Variants in LAMP2 observed in about 807,000 individuals in gnomAD.
LAMP2 encodes lysosome-associated membrane glycoprotein 2.
Under a neutral mutation model 25.6 loss-of-function variants are expected in LAMP2, and 4 were observed. That is an observed-to-expected ratio of 0.16 (90% CI 0.08 to 0.36). The LOEUF is 0.36. Among genes scored for constraint, LAMP2 ranks in the 10% least tolerant of loss-of-function variants. The pLI is 1.00. For missense variants in LAMP2, 272 were observed against 301.4 expected (o/e 0.90, Z 0.72); for synonymous variants, 108 against 112.7 (o/e 0.96, Z 0.27).
chrX:120,461,858 T>C (rs1465531106), intron 1 of LAMP2, among the ~76,000 whole-genome samples: 1 of 112,320 alleles, frequency 8.9e-6, no homozygotes, highest in African/African-American at 3.2e-5. Flanking sequence ...CTTGAACATA[T>C]CAGTCTTCTG....
chrX:120,448,415 G>A (rs2058607823), intron 4 of LAMP2, among the ~76,000 whole-genome samples: 1 of 112,189 alleles, frequency 8.9e-6, no homozygotes, highest in Non-Finnish European at 1.9e-5. Context: ...CCATAAGGAA[G>A]GATACTGTTT....
chrX:120,454,085 C>T (rs1367522326), intron 3 of LAMP2, among the ~76,000 whole-genome samples: 2 of 111,008 alleles, frequency 1.8e-5, no homozygotes, highest in African/African-American at 3.3e-5. Flanking sequence ...TTAAAATGTA[C>T]GCCATTCTGA....
Position 120,431,474 on chromosome X carries a change from G to A in LAMP2, c.1094-12C>T. 1 of 1,193,486 alleles carries A rather than the reference G, an allele frequency of 8.4e-7. No individual in the cohort carries two copies. The highest frequency in any genetic ancestry group is 1.8e-5 in the South Asian group (1 of 56,558). ...ACTGCAGTCTTGAGCTAGATGTGGAGAAAGGACAATTGAGAACAGAAACAG... is the reference window on the plus strand; with the variant it reads ...ACTGCAGTCTTGAGCTAGATGTGGAAAAAGGACAATTGAGAACAGAAACAG... On this transcript the variant is annotated splice_polypyrimidine_tract_variant and intron_variant, in intron 8 of 8. Transcript: ENST00000200639.
intron 1 of LAMP2, among the ~76,000 whole-genome samples, chrX:120,459,053 C>A (rs949615214): frequency 1.8e-5 from 2 of 111,800 alleles, no homozygotes; most frequent in Admixed American, 9.5e-5. Flanking sequence ...CTTGTCCCAT[C>A]CTATTCCTTC....
At position 120,455,633 on chromosome X, in the gene LAMP2, T is replaced by G. The variant is rs918631969; in HGVS notation, c.184-63A>C. On this transcript the variant is annotated intron_variant, in intron 2 of 8. Transcript: ENST00000200639. ...GGCAGCAAGGAACACCAAGCATTTA[T>G]GTAGGGCATGCCACTTCAGCCTAAA... 4 of 873,427 alleles carry G rather than the reference T, an allele frequency of 4.6e-6. No homozygotes were observed. The Admixed American group carries it at 6.8e-5, about 15-fold the overall frequency. The allele number at this position is 873,427 out of a possible 1,213,427, so 72.0% of individuals were successfully genotyped here.
At chrX:120,446,006 T>A (rs2058594271) in intron 6 of LAMP2, among the ~76,000 whole-genome samples, 1 of 111,688 alleles carries the variant, frequency 9.0e-6, no homozygotes, top group South Asian at 3.7e-4. Flanking sequence ...ATGGATAGAT[T>A]AGACAATTGT....
Position 120,456,786 on chromosome X carries a change from A to T in LAMP2, c.65-17T>A. 1.1e-6 allele frequency: 1 copy of T among 932,522 alleles called. No individual in the cohort carries two copies. The highest frequency in any genetic ancestry group is 2.3e-5 in the South Asian group (1 of 44,385). 76.9% of individuals were successfully genotyped at this position (932,522 alleles called of 1,213,427 possible). On this transcript the variant is annotated splice_polypyrimidine_tract_variant and intron_variant, in intron 1 of 8. Transcript: ENST00000200639. ...GCACAGCTCCTGGATTCATTTAAAA[A>T]AATAATATTTTAAAATTGTACTACA...
intron 4 of LAMP2, among the ~76,000 whole-genome samples, chrX:120,448,664 C>A (rs987142550): frequency 1.8e-5 from 2 of 112,008 alleles, no homozygotes; most frequent in Non-Finnish European, 3.8e-5. Flanking sequence ...GTCTTGGAAC[C>A]GCTAAAAAAG....
intron 5 of LAMP2, among the ~76,000 whole-genome samples, chrX:120,447,634 C>T (rs753989430): frequency 1.1e-4 from 12 of 110,559 alleles, no homozygotes; most frequent in East Asian, 5.7e-4. Flanking sequence ...GGCGTGAACC[C>T]GGGAGGCGGA....
At chrX:120,448,916 G>A in intron 4 of LAMP2, 54 bp downstream of exon 4, 2 of 1,059,439 alleles carry the variant, frequency 1.9e-6, no homozygotes, top group Non-Finnish European at 2.6e-6. Flanking sequence ...AAGCTACCTG[G>A]TATACTCTAC....
At chrX:120,448,948 G>C (rs756886925) in intron 4 of LAMP2, 22 bp downstream of exon 4, 2 of 1,192,216 alleles carry the variant, frequency 1.7e-6, no homozygotes, top group Non-Finnish European at 2.3e-6. Flanking sequence ...GATCCAAGTA[G>C]AGAAATATAT....
At chrX:120,443,342 A>G (rs1341909693) in intron 6 of LAMP2, among the ~76,000 whole-genome samples, 1 of 112,017 alleles carries the variant, frequency 8.9e-6, no homozygotes, top group Non-Finnish European at 1.9e-5. Flanking sequence ...GGTATTTGAG[A>G]GAGCAAGAGT....
intron 8 of LAMP2, chrX:120,438,853 C>A (rs2058558878): frequency 1.2e-6 from 1 of 853,511 alleles, no homozygotes. Flanking sequence ...TATTTTTAGT[C>A]TGAATGTCTA....
intron 1 of LAMP2, among the ~76,000 whole-genome samples, chrX:120,460,635 C>A (rs1348428636): frequency 8.9e-6 from 1 of 112,393 alleles, no homozygotes; most frequent in African/African-American, 3.2e-5. Context: ...TCTGTGCTCA[C>A]TGCTGTATAA....
rs760825617 is a variant in LAMP2, at chrX:120,441,977, G to A, written c.929-83C>T. The stretch of plus-strand genomic sequence containing the variant: ...AAGTTGGCCAGGCACAGTGGCTCAC[G>A]CCTGTAATTCCAGCACTTTGGGAAG... On this transcript the variant is annotated intron_variant, in intron 7 of 8. Transcript: ENST00000200639. 1.7e-4 allele frequency: 152 copies of A among 901,899 alleles called. 1 individual carries two copies. The highest frequency in any genetic ancestry group is 1.5e-3 in the Admixed American group (66 of 44,181). 74.3% of individuals were successfully genotyped at this position (901,899 alleles called of 1,213,427 possible).
At chrX:120,450,827 T>A (rs1477406488) in intron 3 of LAMP2, among the ~76,000 whole-genome samples, 2 of 110,317 alleles carry the variant, frequency 1.8e-5, no homozygotes, top group African/African-American at 3.3e-5. Context: ...GCTATATTAT[T>A]CTCTGTATAC....
intron 1 of LAMP2, among the ~76,000 whole-genome samples, chrX:120,458,696 G>A (rs964140768): frequency 9.0e-6 from 1 of 111,393 alleles, no homozygotes; most frequent in African/African-American, 3.3e-5. Flanking sequence ...CTCCAAACTG[G>A]GTCCCTCCTC....
chrX:120,465,190 C>A (rs1409677477), intron 1 of LAMP2, among the ~76,000 whole-genome samples: 3 of 110,698 alleles, frequency 2.7e-5, no homozygotes, highest in Non-Finnish European at 5.7e-5. Context: ...GGCTGGGACA[C>A]AATAGGCATT....
chrX:120,465,719 G>T (rs1602545451), intron 1 of LAMP2, among the ~76,000 whole-genome samples: 1 of 112,011 alleles, frequency 8.9e-6, no homozygotes, highest in Non-Finnish European at 1.9e-5. Flanking sequence ...TTTAGGACAG[G>T]TCCTCCTTCA....
Sources: gnomAD v4.1 joint callset for allele counts (sites outside exome capture counted in the v4.1 genomes callset) on GRCh38, gnomAD v4.1.1 for gene constraint, MANE v1.5 for transcripts, NCBI Gene and HGNC (gene_info 2026-07-23, HGNC 2026-07-21) for gene names.